TCP10L: variants seen among roughly 807,000 people sequenced by gnomAD.
The protein encoded by TCP10L is T-complex protein 10A homolog 1.
In TCP10L, 11 loss-of-function variants were observed where a neutral mutation model predicts 19.2. That is an observed-to-expected ratio of 0.57 (90% CI 0.36 to 0.95). The LOEUF is 0.95. TCP10L is among the 40% of genes least tolerant of loss of function. The pLI is 0.01. For synonymous variants in TCP10L, 96 were observed against 97.2 expected, an observed-to-expected ratio of 0.99 and a Z score of 0.07; for missense variants, 247 against 263.9, an observed-to-expected ratio of 0.94 and a Z score of 0.44.
At position 32,582,376 on chromosome 21, in the gene TCP10L, C is replaced by T. The variant is rs912893004; in HGVS notation, c.184G>A (p.Gly62Arg). 1 of 1,613,874 alleles carries T rather than the reference C, an allele frequency of 6.2e-7. No homozygotes were observed. The highest frequency in any genetic ancestry group is 1.7e-5 in the Admixed American group (1 of 59,982). The change falls in exon 3 of 5, where the codon GGG (glycine) becomes AGG (arginine). Residue 62 changes from glycine (G) to arginine (R), a missense_variant. Coordinates refer to ENST00000300258, the MANE Select transcript of TCP10L (RefSeq NM_144659.7). This position sits in a 1 kb window ranked among gnomAD's most constrained non-coding sequence, Gnocchi z 4.2. ...QQIIRLHQEL[G>R]RQKSLWADVH... ...TCAGCCCACAGAGACTTCTGTCTCC[C>T]AAGCTCTTGGTGGAGTCTGATGATC...
At position 32,582,901 on chromosome 21, in the gene TCP10L, A is replaced by G. The variant is rs960159892; in HGVS notation, c.145-486T>C. Among the ~76,000 whole-genome samples, 4 of 151,854 alleles carry G rather than the reference A, an allele frequency of 2.6e-5. No individual in the cohort carries two copies. In the East Asian group the frequency reaches 7.8e-4, roughly 29 times the overall value. On this transcript the variant is annotated intron_variant, in intron 2 of 4. Coordinates refer to ENST00000300258, the MANE Select transcript of TCP10L (RefSeq NM_144659.7). The surrounding 1 kb of genome is among the most constrained non-coding windows in gnomAD (Gnocchi z 4.2). Reference sequence around the variant, plus strand: ...AGCTACCATGCCTGGCCATAGCTTTATTCTTATTAAGTAGTGTTTATTATG... The same window carrying G: ...AGCTACCATGCCTGGCCATAGCTTTGTTCTTATTAAGTAGTGTTTATTATG...
In TCP10L at chr21:32,584,180, C is replaced by T. The variant is rs1460247172; in HGVS notation, c.125G>A (p.Cys42Tyr). Reference protein sequence around the residue: ...AVAAEVLTEDCNTGEMPPLQQ... With the variant: ...AVAAEVLTEDYNTGEMPPLQQ... ...ACTCACTGGCATCTCCCCAGTGTTG[C>T]AGTCCTCCGTGAGAACCTCGGCTGC... The change falls in exon 2 of 5, where the codon TGC becomes TAC. Residue 42 changes from cysteine to tyrosine, a missense_variant. Transcript: ENST00000300258. The T allele has an allele frequency of 2.5e-6, 4 of 1,613,754 alleles. No homozygotes were observed. Among genetic ancestry groups the T allele is most frequent in the Non-Finnish European group, 3.4e-6 (4 of 1,179,834 alleles).
chr21:32,577,282 A>G (rs543858278), intron 4 of TCP10L: 30 of 202,566 alleles, frequency 1.5e-4, no homozygotes, highest in Non-Finnish European at 2.6e-4. Context: ...TTACTCGTAC[A>G]TTGCCCCGCA....
At chr21:32,584,029 A>ACAGAAT in intron 2 of TCP10L, 132 bp downstream of exon 2, 1 of 1,239,094 alleles carries the variant, frequency 8.1e-7, no homozygotes, top group Non-Finnish European at 1.1e-6. Context: ...GAGAGGAAGT[A>ACAGAAT]CAGAATCAGT....
In TCP10L at chr21:32,584,972, G is replaced by T. The variant is rs530452451; in HGVS notation, c.-2+449C>A. ...CAGCAATTAGAGAACAAAAACGAAAGAGAAAAACGCAAAGCTTTCCTGCAA... is the reference window on the plus strand; with the variant it reads ...CAGCAATTAGAGAACAAAAACGAAATAGAAAAACGCAAAGCTTTCCTGCAA... On this transcript the variant is annotated intron_variant, in intron 1 of 4. Transcript: ENST00000300258. 3.5e-4 allele frequency among the ~76,000 whole-genome samples: 54 copies of T among 152,286 alleles called. 1 individual carries two copies. Among genetic ancestry groups the T allele is most frequent in the African/African-American group, 1.3e-3 (54 of 41,562 alleles).
At chr21:32,579,927 TC>T (rs1053929767) in intron 3 of TCP10L, among the ~76,000 whole-genome samples, 15 of 152,256 alleles carry the variant, frequency 9.9e-5, no homozygotes, top group African/African-American at 3.6e-4. Flanking sequence ...CTTCTGCTCT[TC>T]CTTCCGCAGA....
intron 3 of TCP10L, among the ~76,000 whole-genome samples, chr21:32,580,058 G>T (rs2038475069): frequency 1.3e-5 from 2 of 152,176 alleles, no homozygotes; most frequent in South Asian, 4.1e-4. Context: ...TAACTTCCAA[G>T]ATTTCCCGTA....
chr21:32,578,067 C>T lies in TCP10L; in HGVS notation c.498+627G>A, dbSNP rs2038454177. 6.6e-6 allele frequency among the ~76,000 whole-genome samples: 1 copy of T among 152,216 alleles called. No homozygotes were observed. The highest frequency in any genetic ancestry group is 2.4e-5 in the African/African-American group (1 of 41,450). On this transcript the variant is annotated intron_variant, in intron 4 of 4. Coordinates refer to ENST00000300258, the MANE Select transcript of TCP10L (RefSeq NM_144659.7). This position sits in a 1 kb window ranked among gnomAD's most constrained non-coding sequence, Gnocchi z 4.2. The stretch of plus-strand genomic sequence containing the variant: ...TAAGCGGTTTTCCACCCTGGGTGGG[C>T]CAGGTGTTCCTTGCCATCATTCTGG...
In TCP10L at chr21:32,580,644, G is replaced by A. The variant is rs566870824; in HGVS notation, c.360+1556C>T. ...TCCACTAAGAAATATCCCCACTTAC[G>A]TTTGGAGGGTGTTCATGTGGTTTCA... On this transcript the variant is annotated intron_variant, in intron 3 of 4. Transcript: ENST00000300258. Among the ~76,000 whole-genome samples, 12 of 152,256 alleles carry A rather than the reference G, an allele frequency of 7.9e-5. No homozygotes were observed. In the East Asian group the frequency reaches 1.7e-3, roughly 22 times the overall value.
intron 3 of TCP10L, among the ~76,000 whole-genome samples, chr21:32,581,661 G>A (rs549290306): frequency 4.6e-5 from 7 of 152,154 alleles, no homozygotes; most frequent in Non-Finnish European, 8.8e-5. Context: ...CTGCGAGGGG[G>A]ACAAGGGAAC....
chr21:32,577,980 G>T (rs1289672583), intron 4 of TCP10L, among the ~76,000 whole-genome samples: 2 of 152,342 alleles, frequency 1.3e-5, no homozygotes, highest in East Asian at 3.9e-4. Flanking sequence ...GATATCCACA[G>T]CAGAAACATG....
chr21:32,574,623 G>T lies in TCP10L; in HGVS notation c.*2151C>A. On this transcript the variant is annotated 3_prime_UTR_variant, in exon 5 of 5. Transcript: ENST00000300258. ...GAAGAAGCAGTGAACTCATCAGGTT[G>T]AACGTGGCTGAGAAATCCACCTTCA... The T allele has an allele frequency of 5.4e-6, 1 of 184,600 alleles. No individual in the cohort carries two copies. Among genetic ancestry groups the T allele is most frequent in the South Asian group, 1.6e-4 (1 of 6,266 alleles). 11.4% of individuals were successfully genotyped at this position (184,600 alleles called of 1,614,324 possible). A position where few individuals can be genotyped will look rare whatever the true frequency, so the allele number is the denominator to read the frequency against.
intron 1 of TCP10L, among the ~76,000 whole-genome samples, 164 bp from the exon 2 acceptor site, chr21:32,584,469 G>A (rs901427792): frequency 2.6e-5 from 4 of 152,184 alleles, no homozygotes; most frequent in African/African-American, 9.7e-5. Flanking sequence ...CTGACCAGGT[G>A]AAAGGACACC....
chr21:32,582,277 C>T lies in TCP10L; in HGVS notation c.283G>A (p.Ala95Thr). 1.2e-6 allele frequency: 2 copies of T among 1,614,208 alleles called. No individual in the cohort carries two copies. Among genetic ancestry groups the T allele is most frequent in the African/African-American group, 1.3e-5 (1 of 75,048 alleles). The change falls in exon 3 of 5, where the codon GCT (alanine) becomes ACT (threonine). Residue 95 changes from alanine (A) to threonine (T), a missense_variant. Coordinates refer to ENST00000300258, the MANE Select transcript of TCP10L (RefSeq NM_144659.7). The surrounding 1 kb of genome is among the most constrained non-coding windows in gnomAD (Gnocchi z 4.2). Reference sequence around the variant, plus strand: ...GCTTTCCACCGCTGCAGCTGCAGAGCTCTCAGCTTTTCTCGGAGCTCCATG... The same window carrying T: ...GCTTTCCACCGCTGCAGCTGCAGAGTTCTCAGCTTTTCTCGGAGCTCCATG... ...QNMELREKLR[A>T]LQLQRWKARK...
intron 2 of TCP10L, among the ~76,000 whole-genome samples, chr21:32,583,625 C>G (rs2038523560): frequency 6.6e-6 from 1 of 151,106 alleles, no homozygotes; most frequent in African/African-American, 2.4e-5. Context: ...ATTATGGAAG[C>G]CACTGCATTT....
chr21:32,576,317 G>A lies in TCP10L; in HGVS notation c.*457C>T. Reference sequence around the variant, plus strand: ...TTTTGCAGACTTCGGGAAGATGGATGCATAGCCTGGGGCAATGACAGTCAC... The same window carrying A: ...TTTTGCAGACTTCGGGAAGATGGATACATAGCCTGGGGCAATGACAGTCAC... On this transcript the variant is annotated 3_prime_UTR_variant, in exon 5 of 5. Transcript: ENST00000300258. 1 of 1,543,854 alleles carries A rather than the reference G, an allele frequency of 6.5e-7. No homozygotes were observed. Among genetic ancestry groups the A allele is most frequent in the Non-Finnish European group, 8.9e-7 (1 of 1,127,546 alleles).
chr21:32,582,062 G>T lies in TCP10L; in HGVS notation c.360+138C>A. On this transcript the variant is annotated intron_variant, in intron 3 of 4. Coordinates refer to ENST00000300258, the MANE Select transcript of TCP10L (RefSeq NM_144659.7). The surrounding 1 kb of genome is among the most constrained non-coding windows in gnomAD (Gnocchi z 4.2). ...ATCATTACTTACGGGAAATGGAGTTGATGGAAAGATAGCAACCCCTCCCAC... is the reference window on the plus strand; with the variant it reads ...ATCATTACTTACGGGAAATGGAGTTTATGGAAAGATAGCAACCCCTCCCAC... 1.1e-6 allele frequency: 1 copy of T among 929,802 alleles called. No individual in the cohort carries two copies. The highest frequency in any genetic ancestry group is 1.7e-6 in the Non-Finnish European group (1 of 605,094). The allele number at this position is 929,802 out of a possible 1,614,324, so 57.6% of individuals were successfully genotyped here. A position where few individuals can be genotyped will look rare whatever the true frequency, so the allele number is the denominator to read the frequency against.
chr21:32,576,174 CGGGGAGCATAGAAACA>C lies in TCP10L; in HGVS notation c.*584_*599del. 2 of 1,179,958 alleles carry C rather than the reference CGGGGAGCATAGAAACA, an allele frequency of 1.7e-6. No homozygotes were observed. The highest frequency in any genetic ancestry group is 1.2e-6 in the Non-Finnish European group (1 of 830,876). The allele number at this position is 1,179,958 out of a possible 1,614,324, so 73.1% of individuals were successfully genotyped here. On this transcript the variant is annotated 3_prime_UTR_variant, in exon 5 of 5. Transcript: ENST00000300258. ...ATCCACGAGAAAGCCCCGCATTTCA[CGGGGAGCATAGAAACA>C]GGAGTCCCCAACTCTGCTCACCAGC...
chr21:32,584,094 G>A (rs370057204), intron 2 of TCP10L, 67 bp downstream of exon 2: 41 of 1,539,396 alleles, frequency 2.7e-5, no homozygotes, highest in East Asian at 2.5e-4. Context: ...CCAATGACGG[G>A]CCTCAGGGAC....
Sources: gnomAD v4.1 joint callset for allele counts (sites outside exome capture counted in the v4.1 genomes callset) on GRCh38, gnomAD v4.1.1 for gene constraint, Gnocchi (gnomAD v3.1) non-coding constraint, MANE v1.5 for transcripts, NCBI Gene and HGNC (gene_info 2026-07-23, HGNC 2026-07-21) for gene names.